The following SLC24A2 variants were observed in gnomAD, a reference collection of about 807,000 sequenced individuals.
SLC24A2 encodes the protein solute carrier family 24 member 2.
A neutral mutation model predicts 62.0 loss-of-function variants in SLC24A2; 36 were observed. The ratio of observed to expected loss-of-function variants is 0.58; its 90% confidence interval spans 0.44 to 0.77. The LOEUF (loss-of-function observed/expected upper bound fraction) is 0.77, where lower values mean the gene tolerates loss of function less well. Among genes scored for constraint, SLC24A2 ranks in the 30% least tolerant of loss-of-function variants. The pLI is 0.00. For synonymous variants in SLC24A2, 358 were observed against 294.0 expected (o/e 1.22, Z -2.23); for missense variants, 846 against 817.9 (o/e 1.03, Z -0.42).
the SLC24A2 span, among the ~76,000 whole-genome samples, chr9:20,123,007 G>C: frequency 2.6e-5 from 4 of 152,058 alleles, no homozygotes; most frequent in African/African-American, 9.7e-5. Context: ...CTTTGTTTTC[G>C]ACTCATTCTA....
At chr9:19,955,359 A>G in the SLC24A2 span, among the ~76,000 whole-genome samples, 1 of 150,290 alleles carries the variant, frequency 6.7e-6, no homozygotes, top group Non-Finnish European at 1.5e-5. Context: ...AAACTAGGAT[A>G]TGAGTAGAAA....
chr9:19,622,386 T>A, intron 2 of SLC24A2, 87 bp from the exon 3 acceptor site: 1 of 1,298,630 alleles, frequency 7.7e-7, no homozygotes, highest in Non-Finnish European at 1.1e-6. Flanking sequence ...ATAACAAGCA[T>A]CAGTATAGGG....
intron 8 of SLC24A2, among the ~76,000 whole-genome samples, chr9:19,544,515 T>C (rs1226734696): frequency 2.0e-5 from 3 of 152,178 alleles, no homozygotes; most frequent in African/African-American, 7.2e-5. Flanking sequence ...ATGTTGTTTC[T>C]TTATAGTGTT....
At chr9:19,564,779 G>A (rs957417983) in intron 7 of SLC24A2, among the ~76,000 whole-genome samples, 5 of 152,088 alleles carry the variant, frequency 3.3e-5, no homozygotes, top group Non-Finnish European at 4.4e-5. Flanking sequence ...TTAGATTTTC[G>A]AATCTAAGGA....
chr9:19,632,750 T>C lies in SLC24A2; in HGVS notation c.931-10451A>G, dbSNP rs2117999576. Among the ~76,000 whole-genome samples, 1 of 152,350 alleles carries C rather than the reference T, an allele frequency of 6.6e-6. No individual in the cohort carries two copies. Among genetic ancestry groups the C allele is most frequent in the African/African-American group, 2.4e-5 (1 of 41,580 alleles). The stretch of plus-strand genomic sequence containing the variant: ...ATGATAACATCTTGCACAACTATAG[T>C]ACATCATTAAAACTAGGAAGTTGGC... On this transcript the variant is annotated intron_variant, in intron 2 of 10. Coordinates refer to ENST00000341998, the MANE Select transcript of SLC24A2 (RefSeq NM_020344.4). This position sits in a 1 kb window ranked among gnomAD's most constrained non-coding sequence, Gnocchi z 4.5.
At chr9:20,230,652 G>A in the SLC24A2 span, among the ~76,000 whole-genome samples, 3 of 152,262 alleles carry the variant, frequency 2.0e-5, no homozygotes, top group Non-Finnish European at 4.4e-5. Context: ...CAGACGAGTA[G>A]ATTGCAAAAA....
At chr9:20,251,291 T>C in the SLC24A2 span, among the ~76,000 whole-genome samples, 6 of 143,734 alleles carry the variant, frequency 4.2e-5, no homozygotes, top group African/African-American at 1.2e-4. Flanking sequence ...CCCACCCTTA[T>C]CCCCTTCTTA....
the SLC24A2 span, among the ~76,000 whole-genome samples, chr9:20,005,048 G>C: frequency 6.6e-6 from 1 of 152,076 alleles, no homozygotes; most frequent in African/African-American, 2.4e-5. Flanking sequence ...CTGGTTGTCA[G>C]CGAAATAGTT....
At chr9:20,148,044 T>C in the SLC24A2 span, among the ~76,000 whole-genome samples, 1 of 152,080 alleles carries the variant, frequency 6.6e-6, no homozygotes, top group Non-Finnish European at 1.5e-5. Context: ...TAGAGTCAGA[T>C]GGGTACTATA....
chr9:20,014,557 A>G, the SLC24A2 span, among the ~76,000 whole-genome samples: 9 of 151,880 alleles, frequency 5.9e-5, no homozygotes, highest in Non-Finnish European at 8.8e-5. Flanking sequence ...CCTTAAAAAG[A>G]GGAAAAACTC....
chr9:19,576,810 G>A (rs889537713), intron 6 of SLC24A2, 114 bp downstream of exon 6: 13 of 679,892 alleles, frequency 1.9e-5, no homozygotes, highest in Non-Finnish European at 3.3e-5. Flanking sequence ...GAAGGGCTGT[G>A]CTGCAGCGGT....
chr9:19,592,092 C>G (rs1279248323), intron 5 of SLC24A2, among the ~76,000 whole-genome samples: 1 of 152,164 alleles, frequency 6.6e-6, no homozygotes, highest in Non-Finnish European at 1.5e-5. Flanking sequence ...AAATGATTGG[C>G]TAGACAATGT....
the SLC24A2 span, among the ~76,000 whole-genome samples, chr9:20,245,670 A>T: frequency 6.6e-6 from 1 of 152,198 alleles, no homozygotes; most frequent in East Asian, 1.9e-4. Context: ...TTTTTGGACT[A>T]TGGAAGTATT....
the SLC24A2 span, among the ~76,000 whole-genome samples, chr9:20,135,669 G>A: frequency 1.2e-4 from 18 of 152,042 alleles, no homozygotes; most frequent in Admixed American, 9.8e-4. Flanking sequence ...CAACTACACA[G>A]AAATCTATAA....
At chr9:19,963,555 G>A in the SLC24A2 span, among the ~76,000 whole-genome samples, 4 of 152,190 alleles carry the variant, frequency 2.6e-5, no homozygotes, top group Non-Finnish European at 5.9e-5. Flanking sequence ...ACAAGTGGGT[G>A]AAGGACATGA....
the SLC24A2 span, among the ~76,000 whole-genome samples, chr9:20,122,574 G>A: frequency 2.0e-5 from 3 of 152,046 alleles, no homozygotes; most frequent in Non-Finnish European, 4.4e-5. Flanking sequence ...TGTAATCCCA[G>A]CTACTTGAAG....
intron 2 of SLC24A2, among the ~76,000 whole-genome samples, chr9:19,694,494 G>C (rs956316540): frequency 1.3e-5 from 2 of 151,976 alleles, no homozygotes; most frequent in Non-Finnish European, 2.9e-5. Flanking sequence ...ATAAAGAAAA[G>C]GCTACAGGGA....
At chr9:20,098,014 T>C in the SLC24A2 span, among the ~76,000 whole-genome samples, 2 of 148,254 alleles carry the variant, frequency 1.3e-5, no homozygotes, top group South Asian at 2.1e-4. Context: ...AGTGCTGGGA[T>C]TACAGGCGGA....
At chr9:19,751,868 G>A (rs2118813654) in intron 2 of SLC24A2, among the ~76,000 whole-genome samples, 1 of 152,268 alleles carries the variant, frequency 6.6e-6, no homozygotes, top group East Asian at 1.9e-4. Flanking sequence ...CCAAGAGATA[G>A]AAGAAGACTT....
Sources: allele counts gnomAD v4.1 joint callset (sites outside exome capture counted in the v4.1 genomes callset), GRCh38; gene constraint gnomAD v4.1.1; non-coding constraint Gnocchi (gnomAD v3.1); transcripts MANE v1.5; gene names NCBI Gene and HGNC (gene_info 2026-07-23, HGNC 2026-07-21).